The following CSNK1D variants were observed in gnomAD, a reference collection of about 807,000 sequenced individuals.
CSNK1D encodes casein kinase 1 delta, also known as casein kinase I isoform delta.
A neutral mutation model predicts 46.6 loss-of-function variants in CSNK1D; 16 were observed. The ratio of observed to expected loss-of-function variants is 0.34; its 90% CI spans 0.23 to 0.52. The LOEUF (loss-of-function observed/expected upper bound fraction) is 0.52, where lower values mean the gene tolerates loss of function less well. Ranked by LOEUF, CSNK1D falls within the 20% of genes least tolerant of loss-of-function variation. CSNK1D has a pLI of 0.95. For missense variants in CSNK1D, 398 were observed against 578.4 expected, an observed-to-expected ratio of 0.69 and a Z score of 3.20; for synonymous variants, 276 against 228.2, an observed-to-expected ratio of 1.21 and a Z score of -1.89.
chr17:82,246,895 G>C (rs2050864781), intron 8 of CSNK1D: 24 of 985,734 alleles, frequency 2.4e-5, no homozygotes, highest in Non-Finnish European at 2.5e-5. Context: ...AAACAGGTGA[G>C]GCGCTCAGAG....
At chr17:82,257,516 T>A (rs1187113892) in intron 2 of CSNK1D, among the ~76,000 whole-genome samples, 1 of 152,102 alleles carries the variant, frequency 6.6e-6, no homozygotes, top group Non-Finnish European at 1.5e-5. Context: ...ACACCTTAAG[T>A]AACTAAGGGA....
chr17:82,251,498 G>A lies in CSNK1D; in HGVS notation c.766C>T (p.Arg256Cys). The A allele has an allele frequency of 1.9e-6, 3 of 1,614,080 alleles. No homozygotes were observed. Among genetic ancestry groups the A allele is most frequent in the Non-Finnish European group, 2.5e-6 (3 of 1,180,012 alleles). Residue 256 changes from arginine to cysteine, a missense_variant, in exon 6 of 9, where the codon CGT (arginine) becomes TGT (cysteine). By Grantham distance (180) the Arg-to-Cys change is radical. Coordinates refer to ENST00000314028, the MANE Select transcript of CSNK1D (RefSeq NM_001893.6). This position sits in a 1 kb window ranked among gnomAD's most constrained non-coding sequence, Gnocchi z 4.5. ...GGCTTGTCGTCAAAACGCAAGGAAC[G>A]GCAGAAATTCAGGTATGTGGCAAAT... ...SEFATYLNFC[R>C]SLRFDDKPDY...
In CSNK1D at chr17:82,249,210, CAG is replaced by C. The variant is rs912533706; in HGVS notation, c.1058-198_1058-197del. ...CATGGGAGCGAGGTCAAGGGGCTCA[CAG>C]GGGAGGAACGTGAGATGCGGGAGGA... On this transcript the variant is annotated intron_variant, in intron 7 of 8. Coordinates refer to ENST00000314028, the MANE Select transcript of CSNK1D (RefSeq NM_001893.6). This position sits in a 1 kb window ranked among gnomAD's most constrained non-coding sequence, Gnocchi z 6.7. The C allele has an allele frequency of 5.4e-5, 43 of 791,022 alleles. No individual in the cohort carries two copies. The highest frequency in any genetic ancestry group is 7.7e-5 in the Non-Finnish European group (39 of 506,900). 49.0% of individuals were successfully genotyped at this position (791,022 alleles called of 1,614,324 possible).
chr17:82,257,642 C>T lies in CSNK1D; in HGVS notation c.188-2065G>A, dbSNP rs775613477. On this transcript the variant is annotated intron_variant, in intron 2 of 8. Transcript: ENST00000314028. ...GCTGTGCCTGAGGGCGGGAAGGAGC[C>T]GTGAGAGGGCGCCCTGGGCTGCCCC... Among the ~76,000 whole-genome samples the T allele has an allele frequency of 1.1e-4, 17 of 152,214 alleles. No individual in the cohort carries two copies. The East Asian group carries it at 1.3e-3, about 12-fold the overall frequency.
Position 82,249,140 on chromosome 17 carries a change from CG to C in CSNK1D, c.1058-127del. On this transcript the variant is annotated intron_variant, in intron 7 of 8. Coordinates refer to ENST00000314028, the MANE Select transcript of CSNK1D (RefSeq NM_001893.6). The surrounding 1 kb of genome is among the most constrained non-coding windows in gnomAD (Gnocchi z 6.7). Reference sequence around the variant, plus strand: ...TGGACAGTCAGGACCTGGCTGTGGCCGATGGCCACCAACACTCAGATCCGGC... The same window carrying C: ...TGGACAGTCAGGACCTGGCTGTGGCCATGGCCACCAACACTCAGATCCGGC... 5 of 1,186,522 alleles carry C rather than the reference CG, an allele frequency of 4.2e-6. No homozygotes were observed. The highest frequency in any genetic ancestry group is 5.9e-6 in the Non-Finnish European group (5 of 853,698). The allele number at this position is 1,186,522 out of a possible 1,614,324, so 73.5% of individuals were successfully genotyped here.
intron 2 of CSNK1D, among the ~76,000 whole-genome samples, chr17:82,265,091 G>A (rs1055159523): frequency 1.4e-4 from 22 of 151,734 alleles, no homozygotes; most frequent in African/African-American, 3.4e-4. Flanking sequence ...GAGCCACTGC[G>A]TCTGGCCTAT....
At chr17:82,246,180 G>C (rs1599575442) in intron 8 of CSNK1D, 3 of 1,538,672 alleles carry the variant, frequency 1.9e-6, no homozygotes, top group African/African-American at 1.4e-5. Context: ...CCCAGGCACA[G>C]AGCACAGCCT....
Position 82,250,591 on chromosome 17 carries a change from G to A in CSNK1D, c.885+788C>T, listed in dbSNP as rs1010532551. ...GCCTCCAAGTACTCCCCACGCTGAT[G>A]GGCACTTGGCAAGTAAGTCAAGATG... On this transcript the variant is annotated intron_variant, in intron 6 of 8. Transcript: ENST00000314028. This position sits in a 1 kb window ranked among gnomAD's most constrained non-coding sequence, Gnocchi z 4.6. The A allele has an allele frequency of 2.4e-5, 5 of 206,736 alleles. No individual in the cohort carries two copies. The Admixed American group carries it at 2.7e-4, about 11-fold the overall frequency. 12.8% of individuals were successfully genotyped at this position (206,736 alleles called of 1,614,324 possible).
At chr17:82,240,438 G>A (rs2050726942), downstream of CSNK1D, among the ~76,000 whole-genome samples, 1 of 152,206 alleles carries the variant, frequency 6.6e-6, no homozygotes, top group Non-Finnish European at 1.5e-5. Context: ...CTCACACCCA[G>A]GGGTTGCCGC....
Position 82,252,748 on chromosome 17 carries a change from C to T in CSNK1D, c.566-144G>A. On this transcript the variant is annotated intron_variant, in intron 4 of 8. Coordinates refer to ENST00000314028, the MANE Select transcript of CSNK1D (RefSeq NM_001893.6). This position sits in a 1 kb window ranked among gnomAD's most constrained non-coding sequence, Gnocchi z 4.6. The stretch of plus-strand genomic sequence containing the variant: ...GCTGGCACTTCCAGTGGAGACGAAC[C>T]TCGGACACACATGCCCAGATCACTC... 1 of 879,680 alleles carries T rather than the reference C, an allele frequency of 1.1e-6. No homozygotes were observed. Among genetic ancestry groups the T allele is most frequent in the Non-Finnish European group, 1.8e-6 (1 of 548,876 alleles). 54.5% of individuals were successfully genotyped at this position (879,680 alleles called of 1,614,324 possible). A position where few individuals can be genotyped will look rare whatever the true frequency, so the allele number is the denominator to read the frequency against.
At position 82,251,872 on chromosome 17, in the gene CSNK1D, T is replaced by C. The variant is rs1041220779; in HGVS notation, c.737-345A>G. On this transcript the variant is annotated intron_variant, in intron 5 of 8. Coordinates refer to ENST00000314028, the MANE Select transcript of CSNK1D (RefSeq NM_001893.6). This position sits in a 1 kb window ranked among gnomAD's most constrained non-coding sequence, Gnocchi z 4.5. The stretch of plus-strand genomic sequence containing the variant: ...TCTAGAGCGTGGTGGCGGGCGCCTG[T>C]AGTCCCAGCTACCGGGGAGGCTGAC... 2.6e-5 allele frequency: 9 copies of C among 347,182 alleles called. No individual in the cohort carries two copies. The highest frequency in any genetic ancestry group is 4.4e-5 in the Non-Finnish European group (8 of 182,470). 21.5% of individuals were successfully genotyped at this position (347,182 alleles called of 1,614,324 possible). A position where few individuals can be genotyped will look rare whatever the true frequency, so the allele number is the denominator to read the frequency against.
At position 82,251,744 on chromosome 17, in the gene CSNK1D, A is replaced by G. The variant is rs1305590615; in HGVS notation, c.737-217T>C. ...GGCGGCTCACGCCTGTCACCCCAGC[A>G]CTCTAGGAGGCTGAGGAGGGCGGAT... On this transcript the variant is annotated intron_variant, in intron 5 of 8. Coordinates refer to ENST00000314028, the MANE Select transcript of CSNK1D (RefSeq NM_001893.6). The surrounding 1 kb of genome is among the most constrained non-coding windows in gnomAD (Gnocchi z 4.5). The G allele has an allele frequency of 5.7e-5, 34 of 597,168 alleles. No homozygotes were observed. In the East Asian group the frequency reaches 1.0e-3, roughly 18 times the overall value. 37.0% of individuals were successfully genotyped at this position (597,168 alleles called of 1,614,324 possible). A position where few individuals can be genotyped will look rare whatever the true frequency, so the allele number is the denominator to read the frequency against.
intron 1 of CSNK1D, 111 bp from the exon 2 acceptor site, chr17:82,265,907 G>A (rs2051456623): frequency 3.4e-6 from 3 of 888,836 alleles, no homozygotes; most frequent in South Asian, 1.3e-5. Context: ...CCAAGTGAGG[G>A]ATGTGTTCTC....
At position 82,265,870 on chromosome 17, in the gene CSNK1D, C is replaced by G; in HGVS notation, c.77-74G>C. On this transcript the variant is annotated intron_variant, in intron 1 of 8. Coordinates refer to ENST00000314028, the MANE Select transcript of CSNK1D (RefSeq NM_001893.6). ...ATAACCCAACATGCTGGAGAAACAA[C>G]AAGCACTATGTGTTTTCCATGAAGG... 4.1e-6 allele frequency: 5 copies of G among 1,208,390 alleles called. No individual in the cohort carries two copies. The Admixed American group carries it at 6.7e-5, about 16-fold the overall frequency. The allele number at this position is 1,208,390 out of a possible 1,614,324, so 74.9% of individuals were successfully genotyped here.
At position 82,248,883 on chromosome 17, in the gene CSNK1D, T is replaced by G; in HGVS notation, c.1189A>C (p.Thr397Pro). 6.2e-7 allele frequency: 1 copy of G among 1,610,442 alleles called. No individual in the cohort carries two copies. The highest frequency in any genetic ancestry group is 8.5e-7 in the Non-Finnish European group (1 of 1,178,190). ...TGRQDTSRMSTSQIPGRVASS... is the reference protein window; with the variant it reads ...TGRQDTSRMSPSQIPGRVASS... ...GGGAGCTCTGCACCTACCTGTGAGG[T>G]GGACATGCGAGAGGTATCTTGTCGG... The change falls in exon 8 of 9, where the codon ACC becomes CCC. Residue 397 changes from threonine (T) to proline (P), a missense_variant. By Grantham distance (38) the Thr-to-Pro change is conservative (BLOSUM62 -1). Transcript: ENST00000314028. This position sits in a 1 kb window ranked among gnomAD's most constrained non-coding sequence, Gnocchi z 4.1.
rs1568558313 is a variant in CSNK1D, at chr17:82,249,389, ACCCCAGAGCCAG to A, written c.1057+30_1057+41del. ...CACCAACCCCAAGACACAAGAAGTC[ACCCCAGAGCCAG>A]CCCCAGAGCGCTGGGAGGGGGGCAC... is the stretch of plus-strand genomic sequence containing the variant. On this transcript the variant is annotated intron_variant, in intron 7 of 8. Transcript: ENST00000314028. The surrounding 1 kb of genome is among the most constrained non-coding windows in gnomAD (Gnocchi z 6.7). The A allele has an allele frequency of 2.6e-6, 4 of 1,530,038 alleles. No individual in the cohort carries two copies. The highest frequency in any genetic ancestry group is 2.0e-5 in the Admixed American group (1 of 50,880). 94.8% of individuals were successfully genotyped at this position (1,530,038 alleles called of 1,614,324 possible). A position where few individuals can be genotyped will look rare whatever the true frequency, so the allele number is the denominator to read the frequency against.
Position 82,255,649 on chromosome 17 carries a change from C to A in CSNK1D, c.188-72G>T. ...AGCTCCACACTAAGTCTGCACTGTG[C>A]ACACCAAGGGGTCATGGTGACAATC... is the stretch of plus-strand genomic sequence containing the variant. On this transcript the variant is annotated intron_variant, in intron 2 of 8. Coordinates refer to ENST00000314028, the MANE Select transcript of CSNK1D (RefSeq NM_001893.6). This position sits in a 1 kb window ranked among gnomAD's most constrained non-coding sequence, Gnocchi z 5.9. 6.3e-7 allele frequency: 1 copy of A among 1,575,448 alleles called. No homozygotes were observed. The highest frequency in any genetic ancestry group is 1.1e-5 in the South Asian group (1 of 90,298).
Position 82,273,392 on chromosome 17 carries a change from G to C in CSNK1D, c.-11C>G, listed in dbSNP as rs770298263. ...GACTCTCAGCTCCATGGCGGCGGCG[G>C]CCCGATTCGCTCCTGCCCTCCCGGC... On this transcript the variant is annotated 5_prime_UTR_variant, in exon 1 of 9. Transcript: ENST00000314028. The surrounding 1 kb of genome is among the most constrained non-coding windows in gnomAD (Gnocchi z 5.1). 4 of 1,610,422 alleles carry C rather than the reference G, an allele frequency of 2.5e-6. No individual in the cohort carries two copies. The Admixed American group carries it at 5.0e-5, about 20-fold the overall frequency.
intron 3 of CSNK1D, 139 bp from the exon 4 acceptor site, chr17:82,253,383 G>A (rs1315683532): frequency 1.9e-5 from 15 of 787,596 alleles, no homozygotes; most frequent in Middle Eastern, 2.3e-4. Context: ...TTAGCGAGGG[G>A]GATGCCGAAC....
Sources: allele counts gnomAD v4.1 joint callset (sites outside exome capture counted in the v4.1 genomes callset), GRCh38; gene constraint gnomAD v4.1.1; non-coding constraint Gnocchi (gnomAD v3.1); transcripts MANE v1.5; gene names NCBI Gene and HGNC (gene_info 2026-07-23, HGNC 2026-07-21).